Variants in TENM3 observed in about 807,000 individuals in gnomAD.
The protein encoded by TENM3 is teneurin transmembrane protein 3.
In TENM3, 63 loss-of-function variants were observed where a neutral mutation model predicts 255.1. The observed-to-expected ratio is 0.25, with a 90% CI of 0.20 to 0.30. The LOEUF is 0.30. TENM3 is among the 10% of genes least tolerant of loss of function. TENM3 has a pLI of 1.00. For synonymous variants in TENM3, 1,306 were observed against 1,322.3 expected (o/e 0.99, Z 0.27); for missense variants, 2,929 against 3,461.1 (o/e 0.85, Z 3.86).
At chr4:181,459,317 C>T in the TENM3 span, among the ~76,000 whole-genome samples, 19,471 of 151,786 alleles carry the variant, frequency 0.13, 1,566 homozygotes, top group Non-Finnish European at 0.17. Context: ...TGCCTTTTCA[C>T]GTTCTGAAAA....
chr4:182,364,518 G>T (rs975491173), intron 3 of TENM3, among the ~76,000 whole-genome samples: 1 of 152,130 alleles, frequency 6.6e-6, no homozygotes, highest in Admixed American at 6.5e-5. Flanking sequence ...CCGGGTTCAC[G>T]CCATTCTCCT....
At chr4:182,629,175 G>A (rs918248219) in intron 5 of TENM3, among the ~76,000 whole-genome samples, 1 of 152,102 alleles carries the variant, frequency 6.6e-6, no homozygotes, top group South Asian at 2.1e-4. Flanking sequence ...TAGCTCTGTG[G>A]CATTTCATGT....
At chr4:181,605,568 A>AAGAGAGAG in the TENM3 span, among the ~76,000 whole-genome samples, 12 of 42,196 alleles carry the variant, frequency 2.8e-4, 1 homozygote, top group East Asian at 3.2e-3. Context: ...GAAAGAAAGA[A>AAGAGAGAG]AGAGAGAGAA....
At chr4:181,808,319 T>C in the TENM3 span, among the ~76,000 whole-genome samples, 1 of 152,212 alleles carries the variant, frequency 6.6e-6, no homozygotes, top group Non-Finnish European at 1.5e-5. Flanking sequence ...GAGTAGACAC[T>C]GCTGTCACTA....
chr4:182,362,118 T>C (rs1333986645), intron 3 of TENM3, among the ~76,000 whole-genome samples: 5 of 152,176 alleles, frequency 3.3e-5, no homozygotes, highest in African/African-American at 9.7e-5. Flanking sequence ...GAGGTGTTAG[T>C]CTGCCCCTAC....
At chr4:181,863,320 C>T in the TENM3 span, among the ~76,000 whole-genome samples, 27 of 152,236 alleles carry the variant, frequency 1.8e-4, no homozygotes, top group South Asian at 5.6e-3. Context: ...GACTCTGCTA[C>T]TCTCATGAAG....
At chr4:181,627,175 T>G in the TENM3 span, among the ~76,000 whole-genome samples, 1 of 152,202 alleles carries the variant, frequency 6.6e-6, no homozygotes, top group Non-Finnish European at 1.5e-5. Context: ...TGTTTTCACC[T>G]GAGGGGTGCT....
the TENM3 span, chr4:181,906,026 C>T: frequency 2.2e-6 from 1 of 448,088 alleles, no homozygotes; most frequent in East Asian, 5.8e-5. Context: ...GTAACAGTGA[C>T]AAGCAAGTTC....
At chr4:182,020,181 A>C in the TENM3 span, among the ~76,000 whole-genome samples, 1 of 151,992 alleles carries the variant, frequency 6.6e-6, no homozygotes, top group South Asian at 2.1e-4. Flanking sequence ...TCTGGCCAGC[A>C]TGGTGAAACC....
At chr4:182,701,231 T>TTTTTTTTTTTTTTTTTTTTC (rs1757843374) in intron 12 of TENM3, among the ~76,000 whole-genome samples, 1 of 125,338 alleles carries the variant, frequency 8.0e-6, no homozygotes, top group African/African-American at 3.1e-5. Flanking sequence ...TTTTTTTTTT[T>TTTTTTTTTTTTTTTTTTTTC]TTTTTTTGAG....
At position 182,800,130 on chromosome 4, in the gene TENM3, CGCGCGCTCGCCCGGGCCTGG is replaced by C; in HGVS notation, c.7886_7905del (p.Leu2629ArgfsTer101). ...GCGCATCCTGGAGCAGGCGCGGCAG[CGCGCGCTCGCCCGGGCCTGG>C]GCGCGCGAGCAGCAGCGCGTGCGCG... On this transcript the variant is annotated frameshift_variant, in exon 28 of 28. Transcript: ENST00000511685. LOFTEE classifies it high-confidence loss of function. 6.8e-7 allele frequency: 1 copy of C among 1,469,852 alleles called. No individual in the cohort carries two copies. The highest frequency in any genetic ancestry group is 8.9e-7 in the Non-Finnish European group (1 of 1,119,936). The allele number at this position is 1,469,852 out of a possible 1,614,324, so 91.1% of individuals were successfully genotyped here.
At chr4:182,582,813 C>A (rs1244454805) in intron 3 of TENM3, among the ~76,000 whole-genome samples, 1 of 152,108 alleles carries the variant, frequency 6.6e-6, no homozygotes, top group African/African-American at 2.4e-5. Flanking sequence ...GAACCACATA[C>A]AACAAGAAAA....
chr4:182,589,169 A>T (rs1648554659), intron 3 of TENM3, among the ~76,000 whole-genome samples: 1 of 152,196 alleles, frequency 6.6e-6, no homozygotes, highest in South Asian at 2.1e-4. Flanking sequence ...CTTGCCTTCT[A>T]GAACTCCTAC....
chr4:182,552,267 C>A (rs1037662762), intron 3 of TENM3, among the ~76,000 whole-genome samples: 1 of 152,094 alleles, frequency 6.6e-6, no homozygotes, highest in African/African-American at 2.4e-5. Flanking sequence ...AGATGCCCTC[C>A]CCGCCACCAT....
rs767261645 is a variant in TENM3 at position 182,800,105 on chromosome 4, G to A, written c.7854G>A (p.Ala2618=). 1 of 1,567,770 alleles carries A rather than the reference G, an allele frequency of 6.4e-7. No homozygotes were observed. Among genetic ancestry groups the A allele is most frequent in the Non-Finnish European group, 8.6e-7 (1 of 1,160,096 alleles). ...GCATGACCCTGGACGAGGAGAAGGC[G>A]CGCATCCTGGAGCAGGCGCGGCAGC... ...RYGMTLDEEK[A]RILEQARQRA... is the part of the protein sequence containing the mutation. The change falls in exon 28 of 28, where the codon GCG becomes GCA. Residue 2618 remains alanine, a synonymous_variant. Transcript: ENST00000511685.
chr4:181,449,258 G>A, the TENM3 span, among the ~76,000 whole-genome samples: 2 of 152,256 alleles, frequency 1.3e-5, no homozygotes, highest in Admixed American at 1.3e-4. Flanking sequence ...CTCCTGTCAT[G>A]TAGGTCTATG....
At chr4:182,759,627 C>T (rs1762983730) in intron 22 of TENM3, among the ~76,000 whole-genome samples, 1 of 152,220 alleles carries the variant, frequency 6.6e-6, no homozygotes, top group Non-Finnish European at 1.5e-5. Context: ...GCACTTTCTT[C>T]TGAAATGTTG....
chr4:181,518,056 TA>T, the TENM3 span, among the ~76,000 whole-genome samples: 1 of 152,196 alleles, frequency 6.6e-6, no homozygotes, highest in Non-Finnish European at 1.5e-5. Context: ...ATAGTCAATT[TA>T]AAGTGACATG....
chr4:182,646,948 A>G (rs1752807719), intron 5 of TENM3, among the ~76,000 whole-genome samples: 1 of 152,190 alleles, frequency 6.6e-6, no homozygotes, highest in Non-Finnish European at 1.5e-5. Context: ...TTTGAAAGAT[A>G]TCAGAATTAA....
Sources: allele counts gnomAD v4.1 joint callset (sites outside exome capture counted in the v4.1 genomes callset), GRCh38; gene constraint gnomAD v4.1.1; transcripts MANE v1.5; gene names NCBI Gene and HGNC (gene_info 2026-07-23, HGNC 2026-07-21).